Variants in TTC7B observed in about 807,000 individuals in gnomAD.
TTC7B encodes tetratricopeptide repeat protein 7B.
TTC7B carries 28 observed loss-of-function variants against 106.8 expected under a neutral mutation model. The observed-to-expected ratio is 0.26, with a 90% confidence interval of 0.19 to 0.36. The LOEUF is 0.36. Among genes scored for constraint, TTC7B ranks in the 10% least tolerant of loss-of-function variants. The pLI is 1.00. For synonymous variants in TTC7B, 405 were observed against 430.6 expected (o/e 0.94, Z 0.74); for missense variants, 862 against 1,076.4 (o/e 0.80, Z 2.79).
chr14:90,669,784 G>GAA (rs1886562823), intron 9 of TTC7B, among the ~76,000 whole-genome samples: 1 of 152,202 alleles, frequency 6.6e-6, no homozygotes, highest in Non-Finnish European at 1.5e-5. Context: ...AATAACAAGT[G>GAA]CTGGTGAAGA....
Position 90,608,691 on chromosome 14 carries a change from T to C in TTC7B, c.1966+2051A>G, listed in dbSNP as rs146227417. ...ACAGGCACATCTTCCCTAAACACCATGGCATCTGAGAAAGCTGAATCTGAA... is the reference window on the plus strand; with the variant it reads ...ACAGGCACATCTTCCCTAAACACCACGGCATCTGAGAAAGCTGAATCTGAA... On this transcript the variant is annotated intron_variant, in intron 17 of 19. Transcript: ENST00000328459. This position sits in a 1 kb window ranked among gnomAD's most constrained non-coding sequence, Gnocchi z 5.1. Among the ~76,000 whole-genome samples the C allele has an allele frequency of 6.7e-3, 1,019 of 152,248 alleles. 9 individuals are homozygous for C. The highest frequency in any genetic ancestry group is 0.022 in the African/African-American group (923 of 41,528).
chr14:90,580,449 C>T (rs978587198), intron 18 of TTC7B, among the ~76,000 whole-genome samples: 1 of 152,214 alleles, frequency 6.6e-6, no homozygotes, highest in Non-Finnish European at 1.5e-5. Flanking sequence ...ATTAGAACCC[C>T]AGCCACCTGG....
intron 5 of TTC7B, among the ~76,000 whole-genome samples, chr14:90,708,315 T>A (rs943327210): frequency 6.6e-6 from 1 of 152,202 alleles, no homozygotes; most frequent in African/African-American, 2.4e-5. Context: ...GAAAATGTTA[T>A]CTACGACTTT....
At chr14:90,725,894 A>G (rs1379970253) in intron 5 of TTC7B, among the ~76,000 whole-genome samples, 1 of 152,232 alleles carries the variant, frequency 6.6e-6, no homozygotes. Flanking sequence ...GTGCTTTGCT[A>G]CCCTTTGTTT....
chr14:90,741,946 A>G (rs8010860), intron 4 of TTC7B, among the ~76,000 whole-genome samples: 37,251 of 152,202 alleles, frequency 0.24, 5,649 homozygotes, highest in Non-Finnish European at 0.33. Context: ...CCAGAGCCAG[A>G]AATTTGAAAA....
chr14:90,524,793 C>T lies in TTC7B; in HGVS notation c.*16575G>A, dbSNP rs908896870. On this transcript the variant is annotated 3_prime_UTR_variant, in exon 20 of 20. Coordinates refer to ENST00000328459, the MANE Select transcript of TTC7B (RefSeq NM_001010854.2). The stretch of plus-strand genomic sequence containing the variant: ...CCTCGGTCTCCTCCTAAGCCTGGAG[C>T]TCTCAGGTGGTGCAAGGCACACGGG... The T allele has an allele frequency of 3.9e-5, 6 of 152,078 alleles. No individual in the cohort carries two copies. The highest frequency in any genetic ancestry group is 7.4e-5 in the Non-Finnish European group (5 of 68,010). 9.4% of individuals were successfully genotyped at this position (152,078 alleles called of 1,614,324 possible).
intron 3 of TTC7B, among the ~76,000 whole-genome samples, chr14:90,775,487 A>G (rs1453924632): frequency 6.6e-6 from 1 of 152,084 alleles, no homozygotes; most frequent in African/African-American, 2.4e-5. Context: ...GCCCTTAACC[A>G]CTGCATGGAA....
intron 16 of TTC7B, among the ~76,000 whole-genome samples, chr14:90,613,366 C>T (rs1483622520): frequency 6.6e-6 from 1 of 151,794 alleles, no homozygotes; most frequent in Non-Finnish European, 1.5e-5. Context: ...GCACTCCAGC[C>T]TGGGCGACAG....
At chr14:90,815,757 T>G (rs1189118289) in intron 1 of TTC7B, among the ~76,000 whole-genome samples, 1 of 151,860 alleles carries the variant, frequency 6.6e-6, no homozygotes, top group East Asian at 1.9e-4. Context: ...ACATCCTGAT[T>G]CCCTGAGCAC....
intron 17 of TTC7B, among the ~76,000 whole-genome samples, chr14:90,596,737 G>A (rs896644032): frequency 1.3e-5 from 2 of 152,198 alleles, no homozygotes; most frequent in African/African-American, 4.8e-5. Context: ...TTATTAGACC[G>A]TGTGGGTCTA....
chr14:90,745,297 C>CAA (rs71461925), intron 3 of TTC7B, among the ~76,000 whole-genome samples: 6 of 108,724 alleles, frequency 5.5e-5, no homozygotes, highest in Non-Finnish European at 9.8e-5. Context: ...CCCTGTCTCC[C>CAA]AAAAAAAAAA....
chr14:90,670,515 T>C (rs566055035), intron 9 of TTC7B, among the ~76,000 whole-genome samples: 1 of 152,056 alleles, frequency 6.6e-6, no homozygotes, highest in Admixed American at 6.5e-5. Flanking sequence ...TAAAAAAAAA[T>C]TTTAAACAAA....
chr14:90,628,292 G>C (rs1368009763), intron 15 of TTC7B, among the ~76,000 whole-genome samples: 1 of 152,220 alleles, frequency 6.6e-6, no homozygotes, highest in African/African-American at 2.4e-5. Context: ...AAGCTTTTTG[G>C]TAATTTCTGA....
At chr14:90,616,913 T>C (rs1038617704) in intron 16 of TTC7B, among the ~76,000 whole-genome samples, 2 of 152,152 alleles carry the variant, frequency 1.3e-5, no homozygotes, top group African/African-American at 4.8e-5. Flanking sequence ...ACTAGGAAAG[T>C]AAAAAATACT....
intron 19 of TTC7B, among the ~76,000 whole-genome samples, chr14:90,542,003 G>C (rs759563039): frequency 6.6e-6 from 1 of 152,148 alleles, no homozygotes; most frequent in Admixed American, 6.5e-5. Flanking sequence ...GCAGTGGCGC[G>C]ATCTTGGCTC....
rs1240642657 is a variant in TTC7B, at chr14:90,786,166, C to T, written c.276+8G>A. The T allele has an allele frequency of 3.9e-6, 6 of 1,532,278 alleles. No individual in the cohort carries two copies. Among genetic ancestry groups the T allele is most frequent in the Admixed American group, 4.3e-5 (2 of 46,762 alleles). 94.9% of individuals were successfully genotyped at this position (1,532,278 alleles called of 1,614,324 possible). On this transcript the variant is annotated splice_region_variant and intron_variant, in intron 2 of 19. Transcript: ENST00000328459. ...GAAGTGTCGCCTCAGCCCAGAGGCC[C>T]ATGGTACCTTAAGGTTCCCTCGGTC...
At chr14:90,738,180 G>T (rs1038895410) in intron 4 of TTC7B, among the ~76,000 whole-genome samples, 1 of 152,040 alleles carries the variant, frequency 6.6e-6, no homozygotes, top group African/African-American at 2.4e-5. Flanking sequence ...AACCTCACTG[G>T]TAATCCAAAA....
intron 19 of TTC7B, among the ~76,000 whole-genome samples, chr14:90,553,412 G>A (rs977841058): frequency 6.6e-6 from 1 of 152,232 alleles, no homozygotes; most frequent in Non-Finnish European, 1.5e-5. Context: ...AACTCCTCAG[G>A]GTTTGGGGGA....
chr14:90,557,189 C>A (rs947127800), intron 19 of TTC7B, among the ~76,000 whole-genome samples: 2 of 152,288 alleles, frequency 1.3e-5, no homozygotes, highest in African/African-American at 4.8e-5. Flanking sequence ...TTTGCGAGGG[C>A]CTCACTGTAC....
Sources: gnomAD v4.1 joint callset for allele counts (sites outside exome capture counted in the v4.1 genomes callset) on GRCh38, gnomAD v4.1.1 for gene constraint, Gnocchi (gnomAD v3.1) non-coding constraint, MANE v1.5 for transcripts, NCBI Gene and HGNC (gene_info 2026-07-23, HGNC 2026-07-21) for gene names.